The following RAP1GDS1 variants were observed in gnomAD, a reference collection of about 807,000 sequenced individuals.
RAP1GDS1 encodes Rap1 GTPase-GDP dissociation stimulator 1, also known as RAP1, GTP-GDP dissociation stimulator 1.
Under a neutral mutation model 71.1 loss-of-function variants are expected in RAP1GDS1, and 35 were observed. The ratio of observed to expected loss-of-function variants is 0.49; its 90% CI spans 0.38 to 0.65. RAP1GDS1 has a LOEUF of 0.65. Among genes scored for constraint, RAP1GDS1 ranks in the 30% least tolerant of loss-of-function variants. The pLI is 0.00. For missense variants in RAP1GDS1, 663 were observed against 706.1 expected (o/e 0.94, Z 0.69); for synonymous variants, 229 against 243.1 (o/e 0.94, Z 0.54).
intron 2 of RAP1GDS1, among the ~76,000 whole-genome samples, chr4:98,339,568 AT>A (rs964670161): frequency 2.2e-4 from 33 of 146,692 alleles, no homozygotes; most frequent in East Asian, 4.0e-4. Context: ...ATCGTTTTTG[AT>A]TTTTTTTTTT....
chr4:98,287,380 A>G (rs1286903788), intron 1 of RAP1GDS1, among the ~76,000 whole-genome samples: 2 of 152,212 alleles, frequency 1.3e-5, no homozygotes, highest in Non-Finnish European at 2.9e-5. Flanking sequence ...CACACATAGG[A>G]CAGGTTGATT....
chr4:98,285,328 A>G (rs1725811251), intron 1 of RAP1GDS1, among the ~76,000 whole-genome samples: 1 of 152,220 alleles, frequency 6.6e-6, no homozygotes, highest in African/African-American at 2.4e-5. Flanking sequence ...TTGAAGAGAT[A>G]TTAATTGACT....
At position 98,352,491 on chromosome 4, in the gene RAP1GDS1, C is replaced by T. The variant is rs767650578; in HGVS notation, c.251C>T (p.Pro84Leu). Reference sequence around the variant, plus strand: ...TTATTTTCAGAGTTTATGCGAATTCCATGTGTGGATGCTGGATTGATTTCA... The same window carrying T: ...TTATTTTCAGAGTTTATGCGAATTCTATGTGTGGATGCTGGATTGATTTCA... ...EVAKNEFMRI[P>L]CVDAGLISPL... is the part of the protein sequence containing the mutation. Residue 84 changes from proline (P) to leucine (L), a missense_variant, in exon 4 of 15, where the codon CCA (proline) becomes CTA (leucine). Pro to Leu is a moderately conservative substitution (Grantham distance 98). Coordinates refer to ENST00000408927, the MANE Select transcript of RAP1GDS1 (RefSeq NM_001100427.2). The T allele has an allele frequency of 8.7e-6, 14 of 1,613,230 alleles. No homozygotes were observed. In the African/African-American group the frequency reaches 1.3e-4, roughly 15 times the overall value.
rs1312205814 is a variant in RAP1GDS1, at chr4:98,346,021, AACTTGTT to A, written c.235+2763_235+2769del. 3.3e-5 allele frequency among the ~76,000 whole-genome samples: 5 copies of A among 152,244 alleles called. No individual in the cohort carries two copies. In the South Asian group the frequency reaches 6.2e-4, roughly 19 times the overall value. Reference sequence around the variant, plus strand: ...TGTAGCAGCAACAGACTCACCCGGGAACTTGTTACATGCAAATTCTTGGATCCACTCA... The same window carrying A: ...TGTAGCAGCAACAGACTCACCCGGGAACATGCAAATTCTTGGATCCACTCA... On this transcript the variant is annotated intron_variant, in intron 3 of 14. Transcript: ENST00000408927.
At chr4:98,438,564 T>C (rs1206652010) in intron 14 of RAP1GDS1, among the ~76,000 whole-genome samples, 1 of 130,476 alleles carries the variant, frequency 7.7e-6, no homozygotes, top group Non-Finnish European at 1.6e-5. Context: ...ACATTTATTC[T>C]TCCATATATA....
At chr4:98,307,876 A>G (rs975735191) in intron 2 of RAP1GDS1, among the ~76,000 whole-genome samples, 4 of 152,190 alleles carry the variant, frequency 2.6e-5, no homozygotes, top group African/African-American at 9.6e-5. Context: ...GTGAAATAGT[A>G]AATAACAGTG....
rs574896300 is a variant in RAP1GDS1, at chr4:98,394,469, T to C, written c.637+2389T>C. On this transcript the variant is annotated intron_variant, in intron 6 of 14. Coordinates refer to ENST00000408927, the MANE Select transcript of RAP1GDS1 (RefSeq NM_001100427.2). ...TTTAAACTTTAAGAAACTTATTCCA[T>C]GTAGTATGTCCATATAAGGAGTCTT... Among the ~76,000 whole-genome samples, 39 of 152,200 alleles carry C rather than the reference T, an allele frequency of 2.6e-4. 1 individual carries two copies. The highest frequency in any genetic ancestry group is 2.6e-3 in the Admixed American group (39 of 15,284).
intron 1 of RAP1GDS1, among the ~76,000 whole-genome samples, chr4:98,262,634 A>T (rs1188013115): frequency 6.6e-6 from 1 of 152,124 alleles, no homozygotes; most frequent in Non-Finnish European, 1.5e-5. Flanking sequence ...CTCTTTTTAA[A>T]ATTTGCTCCC....
intron 2 of RAP1GDS1, among the ~76,000 whole-genome samples, chr4:98,304,657 G>A (rs1012469970): frequency 2.6e-5 from 4 of 152,246 alleles, no homozygotes; most frequent in African/African-American, 7.2e-5. Context: ...AGTTCACTCC[G>A]ATGGTAGTTT....
chr4:98,324,557 T>G (rs1342633757), intron 2 of RAP1GDS1, among the ~76,000 whole-genome samples: 12 of 146,240 alleles, frequency 8.2e-5, no homozygotes, highest in African/African-American at 3.2e-4. Flanking sequence ...AGCATGGTAC[T>G]GGTACCAAAA....
At chr4:98,354,755 C>T (rs890682852) in intron 4 of RAP1GDS1, among the ~76,000 whole-genome samples, 8 of 151,634 alleles carry the variant, frequency 5.3e-5, no homozygotes, top group Admixed American at 2.6e-4. Flanking sequence ...CCAACTTATC[C>T]TCATTTAGTT....
intron 6 of RAP1GDS1, among the ~76,000 whole-genome samples, chr4:98,402,488 C>A (rs1168130058): frequency 6.6e-6 from 1 of 151,734 alleles, no homozygotes; most frequent in Non-Finnish European, 1.5e-5. Flanking sequence ...TTTTTTCCCC[C>A]TTGGCATGTG....
intron 3 of RAP1GDS1, among the ~76,000 whole-genome samples, chr4:98,346,194 T>A (rs1736220305): frequency 6.6e-6 from 1 of 152,180 alleles, no homozygotes; most frequent in African/African-American, 2.4e-5. Context: ...TTGATTAACA[T>A]TATGCTTTTT....
At position 98,418,648 on chromosome 4, in the gene RAP1GDS1, T is replaced by C; in HGVS notation, c.1040-9T>C. ...AGAGGAAGAAAAAGATGTGTGTTTT[T>C]TTTTTCAGATGCAAATTGTATTCAT... On this transcript the variant is annotated splice_polypyrimidine_tract_variant and intron_variant, in intron 9 of 14. Coordinates refer to ENST00000408927, the MANE Select transcript of RAP1GDS1 (RefSeq NM_001100427.2). 1 of 1,583,290 alleles carries C rather than the reference T, an allele frequency of 6.3e-7. No homozygotes were observed. The highest frequency in any genetic ancestry group is 8.5e-7 in the Non-Finnish European group (1 of 1,170,318).
chr4:98,362,775 A>T (rs1279812084), intron 4 of RAP1GDS1, among the ~76,000 whole-genome samples: 1 of 152,204 alleles, frequency 6.6e-6, no homozygotes, highest in Non-Finnish European at 1.5e-5. Context: ...TAATGATTGT[A>T]CTTACAAAAT....
At chr4:98,401,143 G>T (rs1489021905) in intron 6 of RAP1GDS1, among the ~76,000 whole-genome samples, 1 of 152,148 alleles carries the variant, frequency 6.6e-6, no homozygotes, top group African/African-American at 2.4e-5. Context: ...TCCAGGTTGG[G>T]TTAGGTCAAA....
chr4:98,407,807 G>C (rs1234968467), intron 7 of RAP1GDS1, among the ~76,000 whole-genome samples: 1 of 151,362 alleles, frequency 6.6e-6, no homozygotes, highest in Non-Finnish European at 1.5e-5. Context: ...AAAACCACTT[G>C]TACCACTAAA....
intron 2 of RAP1GDS1, among the ~76,000 whole-genome samples, chr4:98,314,950 C>G (rs1226366293): frequency 2.0e-5 from 3 of 152,154 alleles, no homozygotes; most frequent in African/African-American, 7.2e-5. Context: ...TTTACAGCTT[C>G]TCAATACTGG....
At chr4:98,265,700 G>A (rs1320567280) in intron 1 of RAP1GDS1, among the ~76,000 whole-genome samples, 2 of 152,052 alleles carry the variant, frequency 1.3e-5, no homozygotes, top group Admixed American at 1.3e-4. Flanking sequence ...TCCGTAGTTA[G>A]GGAAAAAGGA....
Sources: gnomAD v4.1 joint callset for allele counts (sites outside exome capture counted in the v4.1 genomes callset) on GRCh38, gnomAD v4.1.1 for gene constraint, MANE v1.5 for transcripts, NCBI Gene and HGNC (gene_info 2026-07-23, HGNC 2026-07-21) for gene names.